The following GRID1 variants were observed in gnomAD, a reference collection of about 807,000 sequenced individuals.
GRID1 encodes the protein glutamate ionotropic receptor delta type subunit 1.
A neutral mutation model predicts 98.0 loss-of-function variants in GRID1; 28 were observed. The ratio of observed to expected loss-of-function variants is 0.29; its 90% CI spans 0.21 to 0.39. The LOEUF (loss-of-function observed/expected upper bound fraction) is 0.39, where lower values mean the gene tolerates loss of function less well. GRID1 is among the 10% of genes least tolerant of loss of function. GRID1 has a pLI of 1.00. For missense variants in GRID1, 1,111 were observed against 1,340.5 expected, an observed-to-expected ratio of 0.83 and a Z score of 2.67; for synonymous variants, 553 against 538.5, an observed-to-expected ratio of 1.03 and a Z score of -0.37.
chr10:85,954,488 T>C (rs1183961256), intron 4 of GRID1, among the ~76,000 whole-genome samples: 1 of 152,226 alleles, frequency 6.6e-6, no homozygotes, highest in Non-Finnish European at 1.5e-5. Flanking sequence ...ATGTTCCTTT[T>C]ATCAGCACTC....
chr10:85,933,528 C>T (rs552779418), intron 4 of GRID1, among the ~76,000 whole-genome samples: 7 of 152,234 alleles, frequency 4.6e-5, no homozygotes, highest in Admixed American at 1.3e-4. Flanking sequence ...AAAGGTGGAC[C>T]TTCTGGCCAG....
intron 8 of GRID1, among the ~76,000 whole-genome samples, chr10:85,802,838 AACACACACACACACACACAC>A (rs59101010): frequency 2.6e-4 from 32 of 120,878 alleles, no homozygotes; most frequent in African/African-American, 8.2e-4. Flanking sequence ...AAGCAGAATA[AACACACACACACACACACAC>A]ACACACACAC....
At chr10:86,160,851 G>A (rs1022474539) in intron 3 of GRID1, among the ~76,000 whole-genome samples, 3 of 152,246 alleles carry the variant, frequency 2.0e-5, no homozygotes, top group African/African-American at 7.2e-5. Context: ...GAGTCTAGGA[G>A]ACTCCAGCCC....
At chr10:86,153,374 AG>A (rs1396666805) in intron 3 of GRID1, among the ~76,000 whole-genome samples, 1 of 152,276 alleles carries the variant, frequency 6.6e-6, no homozygotes, top group Non-Finnish European at 1.5e-5. Context: ...TATTAAACAT[AG>A]CCAGTATGGA....
At chr10:86,121,417 ATT>A in intron 4 of GRID1, among the ~76,000 whole-genome samples, 1 of 151,450 alleles carries the variant, frequency 6.6e-6, no homozygotes, top group African/African-American at 2.4e-5. Flanking sequence ...CAACACCATC[ATT>A]ATCACCATTA....
intron 4 of GRID1, among the ~76,000 whole-genome samples, chr10:86,063,930 A>C (rs1016625993): frequency 6.6e-6 from 1 of 152,208 alleles, no homozygotes; most frequent in Non-Finnish European, 1.5e-5. Flanking sequence ...CAGAGACCAT[A>C]TATGCTACAA....
intron 8 of GRID1, among the ~76,000 whole-genome samples, chr10:85,820,313 A>G (rs1420086276): frequency 2.6e-5 from 4 of 152,208 alleles, no homozygotes; most frequent in Non-Finnish European, 5.9e-5. Flanking sequence ...GGAAAGAGCC[A>G]CGATGACTAA....
chr10:86,105,149 C>G (rs571824590), intron 4 of GRID1, among the ~76,000 whole-genome samples: 1 of 152,210 alleles, frequency 6.6e-6, no homozygotes, highest in Non-Finnish European at 1.5e-5. Flanking sequence ...GTTGGAGAAG[C>G]ACTTTTCAAT....
chr10:85,646,146 G>A (rs1356859240), intron 13 of GRID1: 1 of 152,570 alleles, frequency 6.6e-6, no homozygotes, highest in Non-Finnish European at 1.5e-5. Context: ...GTGGCAAGGT[G>A]TTAGTGTGCC....
At chr10:86,191,575 C>T (rs1271868322) in intron 3 of GRID1, among the ~76,000 whole-genome samples, 1 of 151,924 alleles carries the variant, frequency 6.6e-6, no homozygotes, top group Non-Finnish European at 1.5e-5. Context: ...GAGACTCAGG[C>T]ACAGGAGGAG....
At chr10:86,286,890 C>T (rs963871225) in intron 2 of GRID1, among the ~76,000 whole-genome samples, 1 of 152,190 alleles carries the variant, frequency 6.6e-6, no homozygotes, top group African/African-American at 2.4e-5. Flanking sequence ...AAGACCCATC[C>T]CAGCAGAAAG....
At chr10:85,957,560 A>G (rs893769003) in intron 4 of GRID1, among the ~76,000 whole-genome samples, 1 of 152,214 alleles carries the variant, frequency 6.6e-6, no homozygotes, top group Non-Finnish European at 1.5e-5. Context: ...CCAAAATGAA[A>G]TCAGAGAGCA....
Position 85,724,466 on chromosome 10 carries a change from C to A in GRID1, c.1744G>T (p.Val582Leu), listed in dbSNP as rs1841739151. Reference sequence around the variant, plus strand: ...CTCACAGCCTGTATCCTGTTCAACACAAATATCAGCACACCAACCACAGGG... The same window carrying A: ...CTCACAGCCTGTATCCTGTTCAACAAAAATATCAGCACACCAACCACAGGG... Reference protein sequence around the residue: ...AIPVVGVLIFVLNRIQAVRAQ... With the variant: ...AIPVVGVLIFLLNRIQAVRAQ... Residue 582 changes from valine (V) to leucine (L), a missense_variant, in exon 11 of 16, where the codon GTG (valine) becomes TTG (leucine). Physicochemically the swap from Val to Leu is conservative, Grantham distance 32 (BLOSUM62 1). Transcript: ENST00000327946. 2 of 1,614,056 alleles carry A rather than the reference C, an allele frequency of 1.2e-6. No individual in the cohort carries two copies. The highest frequency in any genetic ancestry group is 1.7e-6 in the Non-Finnish European group (2 of 1,180,026).
intron 4 of GRID1, among the ~76,000 whole-genome samples, chr10:85,977,622 T>C (rs940326880): frequency 3.3e-5 from 5 of 152,216 alleles, no homozygotes; most frequent in African/African-American, 4.8e-5. Context: ...CATGCACACC[T>C]GCAGAGCCTG....
intron 5 of GRID1, among the ~76,000 whole-genome samples, chr10:85,902,496 A>C (rs1841402675): frequency 6.6e-6 from 1 of 152,244 alleles, no homozygotes; most frequent in African/African-American, 2.4e-5. Flanking sequence ...AAATTAACAA[A>C]AGTTTCATAG....
intron 4 of GRID1, among the ~76,000 whole-genome samples, chr10:86,065,482 C>G (rs1192027004): frequency 6.6e-6 from 1 of 152,274 alleles, no homozygotes; most frequent in African/African-American, 2.4e-5. Flanking sequence ...GGCCAGCTCC[C>G]AGCCACATGC....
At chr10:86,139,455 C>T (rs1481090477) in intron 3 of GRID1, among the ~76,000 whole-genome samples, 2 of 152,218 alleles carry the variant, frequency 1.3e-5, no homozygotes, top group African/African-American at 4.8e-5. Context: ...GCTGAGGCCC[C>T]TGACTGGAGC....
chr10:85,644,409 C>T (rs1195304884), intron 13 of GRID1, among the ~76,000 whole-genome samples: 1 of 152,188 alleles, frequency 6.6e-6, no homozygotes, highest in African/African-American at 2.4e-5. Context: ...TGTATTTTAT[C>T]ATTGCTTTGG....
chr10:86,009,969 C>T (rs1276346207), intron 4 of GRID1, among the ~76,000 whole-genome samples: 2 of 152,186 alleles, frequency 1.3e-5, no homozygotes, highest in African/African-American at 4.8e-5. Flanking sequence ...TGACTCCAGA[C>T]AGTGACTTTA....
Sources: allele counts gnomAD v4.1 joint callset (sites outside exome capture counted in the v4.1 genomes callset), GRCh38; gene constraint gnomAD v4.1.1; transcripts MANE v1.5; gene names NCBI Gene and HGNC (gene_info 2026-07-23, HGNC 2026-07-21).